The following CUL9 variants were observed in gnomAD, a reference collection of about 807,000 sequenced individuals.
CUL9 encodes cullin-9.
In CUL9, 79 loss-of-function variants were observed where a neutral mutation model predicts 272.6. That is an observed-to-expected ratio of 0.29 (90% CI 0.24 to 0.35). The LOEUF (loss-of-function observed/expected upper bound fraction) is 0.35, where lower values mean the gene tolerates loss of function less well. CUL9 is among the 10% of genes least tolerant of loss of function. The probability of loss-of-function intolerance (pLI) is 1.00; values close to 1 mark genes in which losing one functional copy is unlikely to be tolerated. For missense variants in CUL9, 2,532 were observed against 3,255.6 expected, an observed-to-expected ratio of 0.78 and a Z score of 5.41; for synonymous variants, 1,186 against 1,286.5, an observed-to-expected ratio of 0.92 and a Z score of 1.67.
At chr6:43,222,283 C>T (rs758839230) in intron 35 of CUL9, 33 bp from the exon 36 acceptor site, 2 of 1,595,236 alleles carry the variant, frequency 1.3e-6, no homozygotes, top group Non-Finnish European at 1.7e-6. Flanking sequence ...CCAAACAAAA[C>T]ACCCAATAGC....
chr6:43,183,941 C>T (rs1032228438), intron 1 of CUL9, among the ~76,000 whole-genome samples: 5 of 151,966 alleles, frequency 3.3e-5, no homozygotes, highest in East Asian at 1.9e-4. Context: ...TTAGTAGAGA[C>T]GGGGTTTCAC....
chr6:43,187,466 G>T, intron 6 of CUL9, 27 bp downstream of exon 6: 1 of 1,606,958 alleles, frequency 6.2e-7, no homozygotes, highest in Non-Finnish European at 8.5e-7. Context: ...ATACCTGGGG[G>T]TTTTCTAGTA....
chr6:43,193,751 G>GT (rs1216383512), intron 9 of CUL9, among the ~76,000 whole-genome samples: 1 of 152,106 alleles, frequency 6.6e-6, no homozygotes, highest in Non-Finnish European at 1.5e-5. Context: ...AAGGAGCAGG[G>GT]TGCATGAAGT....
At chr6:43,183,228 T>C (rs1772580155) in intron 1 of CUL9, among the ~76,000 whole-genome samples, 1 of 152,192 alleles carries the variant, frequency 6.6e-6, no homozygotes, top group South Asian at 2.1e-4. Context: ...GATTACCACC[T>C]CTATCTTATC....
Position 43,203,098 on chromosome 6 carries a change from T to C in CUL9, c.3754-11T>C. The C allele has an allele frequency of 1.2e-6, 2 of 1,612,828 alleles. No homozygotes were observed. The highest frequency in any genetic ancestry group is 1.7e-6 in the Non-Finnish European group (2 of 1,179,940). ...TGACAGTTCTCTCCCTCTTCTCCCC[T>C]GCCCTACCAGGTGAATGTGATGCCC... On this transcript the variant is annotated splice_polypyrimidine_tract_variant and intron_variant, in intron 17 of 40. Coordinates refer to ENST00000252050, the MANE Select transcript of CUL9 (RefSeq NM_015089.4). This position sits in a 1 kb window ranked among gnomAD's most constrained non-coding sequence, Gnocchi z 5.0.
Position 43,221,085 on chromosome 6 carries a change from C to G in CUL9, c.6589-73C>G, listed in dbSNP as rs899089188. ...TCCAAATGTGATCTGTGCCTGCTCCCCTCTCTCCTGTGCACACCAGCCATG... is the reference window on the plus strand; with the variant it reads ...TCCAAATGTGATCTGTGCCTGCTCCGCTCTCTCCTGTGCACACCAGCCATG... On this transcript the variant is annotated intron_variant, in intron 33 of 40. Transcript: ENST00000252050. This position sits in a 1 kb window ranked among gnomAD's most constrained non-coding sequence, Gnocchi z 4.2. The G allele has an allele frequency of 2.3e-5, 36 of 1,552,636 alleles. No individual in the cohort carries two copies. The highest frequency in any genetic ancestry group is 5.6e-5 in the Admixed American group (3 of 53,656).
chr6:43,186,367 G>C lies in CUL9; in HGVS notation c.1163G>C (p.Arg388Pro). 1.9e-6 allele frequency: 3 copies of C among 1,614,144 alleles called. No individual in the cohort carries two copies. Among genetic ancestry groups the C allele is most frequent in the Non-Finnish European group, 2.5e-6 (3 of 1,179,960 alleles). ...CAGCAGACACTGCAGCCAGGGATGC[G>C]AGTGCGGATGCTGGATGATTATGAG... ...YVQQTLQPGM[R>P]VRMLDDYEEI... Residue 388 changes from arginine to proline, a missense_variant, in exon 4 of 41, where the codon CGA (arginine) becomes CCA (proline). This residue lies in a region of CUL9 where 2,218 missense variants were observed against 2,788.6 expected (regional missense o/e 0.80). Coordinates refer to ENST00000252050, the MANE Select transcript of CUL9 (RefSeq NM_015089.4).
Position 43,216,333 on chromosome 6 carries a change from C to T in CUL9, c.6112C>T (p.Leu2038=). Residue 2038 remains leucine (L), a synonymous_variant, in exon 31 of 41, where the codon CTG becomes TTG. Transcript: ENST00000252050. ...TCATTCCCACTGGGGCGCTGAACAG[C>T]TGCTGCAGAGCTACAGTGAGGACCC... is the stretch of plus-strand genomic sequence containing the variant. ...LAHSHWGAEQ[L]LQSYSEDPEP... is the part of the protein sequence containing the mutation. 6.2e-7 allele frequency: 1 copy of T among 1,614,202 alleles called. No individual in the cohort carries two copies. Among genetic ancestry groups the T allele is most frequent in the Admixed American group, 1.7e-5 (1 of 60,030 alleles).
At chr6:43,219,436 G>A (rs972974797) in intron 31 of CUL9, among the ~76,000 whole-genome samples, 20 of 152,310 alleles carry the variant, frequency 1.3e-4, no homozygotes, top group African/African-American at 4.8e-4. Context: ...TGAGGCACTG[G>A]TGTGCCTGTA....
In CUL9 at chr6:43,195,413, A is replaced by G. The variant is rs1773912767; in HGVS notation, c.2389-656A>G. Among the ~76,000 whole-genome samples, 4 of 152,260 alleles carry G rather than the reference A, an allele frequency of 2.6e-5. No homozygotes were observed. In the South Asian group the frequency reaches 8.3e-4, roughly 31 times the overall value. On this transcript the variant is annotated intron_variant, in intron 9 of 40. Transcript: ENST00000252050. Reference sequence around the variant, plus strand: ...ACCACTGCCTGTGAGACAACCAAGAAGTCTTATCTAGAAGGGCTGGATGCT... The same window carrying G: ...ACCACTGCCTGTGAGACAACCAAGAGGTCTTATCTAGAAGGGCTGGATGCT...
In CUL9 at chr6:43,188,727, G is replaced by A; in HGVS notation, c.2180+12G>A. On this transcript the variant is annotated intron_variant, in intron 8 of 40. Transcript: ENST00000252050. ...GACAGATCGCTGAGGTTAGCATACT[G>A]GGGAGGGAAGAGGTTTTGGTTGAAG... 2.5e-6 allele frequency: 4 copies of A among 1,583,112 alleles called. No homozygotes were observed. Among genetic ancestry groups the A allele is most frequent in the Middle Eastern group, 1.7e-4 (1 of 5,842 alleles).
In CUL9 at chr6:43,215,314, C is replaced by A. The variant is rs1255551138; in HGVS notation, c.5924C>A (p.Thr1975Asn). ...CCTTTCTGTGGCAGCCAGAGCGAAA[C>A]CTCCAAGCCCAGGTAGCCACTGCAC... ...DVPFCGSQSE[T>N]SKPSPEAVAT... The change falls in exon 30 of 41, where the codon ACC (threonine) becomes AAC (asparagine). Residue 1975 changes from threonine (T) to asparagine (N), a missense_variant. Physicochemically the swap from Thr to Asn is moderately conservative, Grantham distance 65 (BLOSUM62 0). This residue lies in a region of CUL9 where 2,218 missense variants were observed against 2,788.6 expected (regional missense o/e 0.80). Transcript: ENST00000252050. 1 of 1,609,092 alleles carries A rather than the reference C, an allele frequency of 6.2e-7. No individual in the cohort carries two copies.
Position 43,204,430 on chromosome 6 carries a change from C to A in CUL9, c.4230C>A (p.Asn1410Lys). ...TAGAACAGAGAGAGACCTCTCGGAA[C>A]CCCTTGAGTCGAGCAGCGTCCTTTG... ...QYLEQRETSR[N>K]PLSRAASFAS... The change falls in exon 21 of 41, where the codon AAC (asparagine) becomes AAA (lysine). Residue 1410 changes from asparagine to lysine, a missense_variant. Asn to Lys is a moderately conservative substitution (Grantham distance 94). Transcript: ENST00000252050. 1.9e-6 allele frequency: 3 copies of A among 1,614,178 alleles called. No individual in the cohort carries two copies. The highest frequency in any genetic ancestry group is 2.5e-6 in the Non-Finnish European group (3 of 1,180,030).
intron 26 of CUL9, among the ~76,000 whole-genome samples, chr6:43,211,506 C>T (rs917286048): frequency 8.6e-5 from 13 of 151,988 alleles, no homozygotes; most frequent in African/African-American, 2.2e-4. Context: ...TGCAGTGAGC[C>T]GGGATCGTGC....
At chr6:43,193,335 G>A (rs929762475) in intron 9 of CUL9, 127 bp downstream of exon 9, 81 of 802,982 alleles carry the variant, frequency 1.0e-4, no homozygotes, top group Non-Finnish European at 1.9e-5. Flanking sequence ...AGATGCAGAT[G>A]GTTTTAAGAG....
In CUL9 at chr6:43,222,791, GC is replaced by G. The variant is rs1562066360; in HGVS notation, c.7047del (p.Cys2350AlafsTer90). On this transcript the variant is annotated frameshift_variant, in exon 38 of 41. Coordinates refer to ENST00000252050, the MANE Select transcript of CUL9 (RefSeq NM_015089.4). LOFTEE classifies it high-confidence loss of function. ...LEQARKVLAY[A>X]CVYSFYSQDA... is the part of the protein sequence containing the mutation. ...GGAGCCCCTGCAGGTGCTGGCCTAC[GC>G]CTGCGTGTACAGCTTCTACAGCCAG... 1 of 1,613,910 alleles carries G rather than the reference GC, an allele frequency of 6.2e-7. No individual in the cohort carries two copies. The highest frequency in any genetic ancestry group is 1.7e-5 in the Admixed American group (1 of 60,022).
At chr6:43,192,059 CTTTT>C (rs777284621) in intron 8 of CUL9, among the ~76,000 whole-genome samples, 1 of 118,638 alleles carries the variant, frequency 8.4e-6, no homozygotes. Context: ...CCCCTTTTCT[CTTTT>C]TTTTTTTTTT....
Position 43,224,557 on chromosome 6 carries a change from T to C in CUL9, c.*112T>C, listed in dbSNP as rs1285417488. 7.8e-6 allele frequency: 8 copies of C among 1,025,496 alleles called. No homozygotes were observed. Among genetic ancestry groups the C allele is most frequent in the Non-Finnish European group, 9.8e-6 (7 of 715,636 alleles). The allele number at this position is 1,025,496 out of a possible 1,614,324, so 63.5% of individuals were successfully genotyped here. On this transcript the variant is annotated 3_prime_UTR_variant, in exon 41 of 41. Coordinates refer to ENST00000252050, the MANE Select transcript of CUL9 (RefSeq NM_015089.4). This position sits in a 1 kb window ranked among gnomAD's most constrained non-coding sequence, Gnocchi z 4.2. ...TCCCAGCGTCTGTAGTGCTTCCTGT[T>C]TGCTGAATAAAGGTCTCTTTCTCAC...
Position 43,186,161 on chromosome 6 carries a change from G to A in CUL9, c.957G>A (p.Trp319Ter), listed in dbSNP as rs1772891103. 1 of 1,614,100 alleles carries A rather than the reference G, an allele frequency of 6.2e-7. No individual in the cohort carries two copies. Among genetic ancestry groups the A allele is most frequent in the Non-Finnish European group, 8.5e-7 (1 of 1,180,046 alleles). The change falls in exon 4 of 41, where the codon TGG (tryptophan) becomes TGA (stop). Residue 319 changes from tryptophan to a stop codon, truncating the protein, a stop_gained. Coordinates refer to ENST00000252050, the MANE Select transcript of CUL9 (RefSeq NM_015089.4). LOFTEE classifies it high-confidence loss of function. ...LISELVRSMG[W>*]ARNLSEQGMS... ...CTGAGCTTGTGCGGAGCATGGGCTG[G>A]GCCCGGAACCTCAGCGAACAGGGCA...
Sources: gnomAD v4.1 joint callset for allele counts (sites outside exome capture counted in the v4.1 genomes callset) on GRCh38, gnomAD v4.1.1 for gene constraint, gnomAD v4.1.1 regional missense constraint, Gnocchi (gnomAD v3.1) non-coding constraint, MANE v1.5 for transcripts, NCBI Gene and HGNC (gene_info 2026-07-23, HGNC 2026-07-21) for gene names.